Variants in MEF2A observed in about 807,000 individuals in gnomAD.
MEF2A encodes myocyte-specific enhancer factor 2A.
In MEF2A, 28 loss-of-function variants were observed where a neutral mutation model predicts 55.8. The observed-to-expected ratio is 0.50, with a 90% confidence interval of 0.37 to 0.69. The LOEUF is 0.69. Among genes scored for constraint, MEF2A ranks in the 30% least tolerant of loss-of-function variants. The pLI, the probability that MEF2A is intolerant of heterozygous loss-of-function variation, is 0.00. For synonymous variants in MEF2A, 239 were observed against 227.1 expected (o/e 1.05, Z -0.47); for missense variants, 528 against 626.2 (o/e 0.84, Z 1.67).
At chr15:99,695,429 A>T (rs1204836317) in intron 8 of MEF2A, among the ~76,000 whole-genome samples, 6 of 152,374 alleles carry the variant, frequency 3.9e-5, no homozygotes, top group African/African-American at 1.4e-4. Context: ...TAAGTAGCCC[A>T]AGAAATGGGA....
chr15:99,631,642 CAT>C (rs1263491423), intron 2 of MEF2A, among the ~76,000 whole-genome samples: 1 of 151,636 alleles, frequency 6.6e-6, no homozygotes, highest in African/African-American at 2.4e-5. Flanking sequence ...GATTAGGAAT[CAT>C]ATCCTTTTTT....
At chr15:99,584,728 T>C (rs184913592) in intron 1 of MEF2A, among the ~76,000 whole-genome samples, 5 of 152,260 alleles carry the variant, frequency 3.3e-5, no homozygotes, top group Admixed American at 3.3e-4. Context: ...TAATTAGTAC[T>C]GGGGTTCTTT....
intron 1 of MEF2A, among the ~76,000 whole-genome samples, chr15:99,572,032 T>TC (rs1962563983): frequency 8.1e-6 from 1 of 123,902 alleles, no homozygotes. Context: ...TTTTTTTTTT[T>TC]CTTCACACAG....
At chr15:99,569,014 G>A (rs991609097) in intron 1 of MEF2A, among the ~76,000 whole-genome samples, 1 of 152,186 alleles carries the variant, frequency 6.6e-6, no homozygotes, top group Non-Finnish European at 1.5e-5. Flanking sequence ...TAAATAATAA[G>A]TGTAAATATG....
At chr15:99,693,640 A>G (rs1449282727) in intron 8 of MEF2A, among the ~76,000 whole-genome samples, 2 of 152,212 alleles carry the variant, frequency 1.3e-5, no homozygotes, top group African/African-American at 2.4e-5. Context: ...TCACCCCAAA[A>G]TTCTCTACCC....
chr15:99,676,506 GAAGTA>G (rs1231365866), intron 7 of MEF2A, among the ~76,000 whole-genome samples: 1 of 151,450 alleles, frequency 6.6e-6, no homozygotes, highest in Non-Finnish European at 1.5e-5. Context: ...CTGGACTCTA[GAAGTA>G]AAGTAAACCA....
chr15:99,576,887 T>G (rs1964467652), intron 1 of MEF2A, among the ~76,000 whole-genome samples: 2 of 152,264 alleles, frequency 1.3e-5, no homozygotes, highest in Admixed American at 1.3e-4. Flanking sequence ...GACCTCATGA[T>G]CCACCCACCT....
intron 2 of MEF2A, among the ~76,000 whole-genome samples, chr15:99,604,127 T>C (rs1224939879): frequency 6.6e-6 from 1 of 152,216 alleles, no homozygotes; most frequent in African/African-American, 2.4e-5. Context: ...TTTAGTCATT[T>C]GATTATGATG....
Position 99,712,351 on chromosome 15 carries a change from C to T in MEF2A, c.1137-39C>T. 4 of 1,489,854 alleles carry T rather than the reference C, an allele frequency of 2.7e-6. No individual in the cohort carries two copies. The highest frequency in any genetic ancestry group is 1.8e-6 in the Non-Finnish European group (2 of 1,114,404). The allele number at this position is 1,489,854 out of a possible 1,614,324, so 92.3% of individuals were successfully genotyped here. A position where few individuals can be genotyped will look rare whatever the true frequency, so the allele number is the denominator to read the frequency against. On this transcript the variant is annotated intron_variant, in intron 11 of 11. Transcript: ENST00000557942. The surrounding 1 kb of genome is among the most constrained non-coding windows in gnomAD (Gnocchi z 4.1). Reference sequence around the variant, plus strand: ...GTATCATCCCAGTTTTGCAGAGGTACTTGCAAGCCATCTGACCTCTCTCTT... The same window carrying T: ...GTATCATCCCAGTTTTGCAGAGGTATTTGCAAGCCATCTGACCTCTCTCTT...
chr15:99,699,952 A>ATATGTGTGTG (rs767472744), intron 8 of MEF2A, among the ~76,000 whole-genome samples: 1 of 130,582 alleles, frequency 7.7e-6, no homozygotes, highest in African/African-American at 2.9e-5. Context: ...AAGAGTTTAT[A>ATATGTGTGTG]TGTGTGTGTG....
chr15:99,591,643 A>G (rs761781177), intron 1 of MEF2A, among the ~76,000 whole-genome samples: 54 of 151,896 alleles, frequency 3.6e-4, no homozygotes, highest in Non-Finnish European at 6.6e-4. Flanking sequence ...TTCCAATTAC[A>G]TTATGTTTAG....
intron 2 of MEF2A, among the ~76,000 whole-genome samples, chr15:99,629,949 A>AC (rs1275655006): frequency 6.6e-6 from 1 of 151,658 alleles, no homozygotes; most frequent in Non-Finnish European, 1.5e-5. Flanking sequence ...CAAAAAAAAA[A>AC]AATCTCTCTT....
chr15:99,653,330 T>C (rs1402883609), intron 4 of MEF2A, among the ~76,000 whole-genome samples: 1 of 152,236 alleles, frequency 6.6e-6, no homozygotes, highest in Non-Finnish European at 1.5e-5. Context: ...TTTGAAGTTA[T>C]TTTTGTGGCT....
intron 2 of MEF2A, among the ~76,000 whole-genome samples, chr15:99,616,047 A>G (rs942455954): frequency 3.9e-5 from 6 of 152,304 alleles, no homozygotes; most frequent in South Asian, 4.1e-4. Flanking sequence ...GGGGAACACA[A>G]TTAGATTTAG....
chr15:99,618,149 T>A (rs988317542), intron 2 of MEF2A, among the ~76,000 whole-genome samples: 1 of 152,174 alleles, frequency 6.6e-6, no homozygotes, highest in South Asian at 2.1e-4. Context: ...CAATTAATAT[T>A]ACATATTACA....
intron 2 of MEF2A, among the ~76,000 whole-genome samples, chr15:99,605,025 A>G (rs946841278): frequency 6.6e-6 from 1 of 152,128 alleles, no homozygotes; most frequent in African/African-American, 2.4e-5. Flanking sequence ...TGCTCACTGC[A>G]ACCTCCACCT....
intron 2 of MEF2A, among the ~76,000 whole-genome samples, chr15:99,620,595 A>G (rs1167272726): frequency 6.6e-6 from 1 of 152,064 alleles, no homozygotes; most frequent in Non-Finnish European, 1.5e-5. Context: ...CTGTTGTTGG[A>G]TATCTAGGTT....
At chr15:99,597,569 A>G (rs965296217) in intron 1 of MEF2A, among the ~76,000 whole-genome samples, 1 of 151,886 alleles carries the variant, frequency 6.6e-6, no homozygotes, top group African/African-American at 2.4e-5. Flanking sequence ...GTCATATTCT[A>G]TTACCTTGTA....
intron 2 of MEF2A, among the ~76,000 whole-genome samples, chr15:99,601,172 A>G (rs930471384): frequency 1.3e-5 from 2 of 152,192 alleles, no homozygotes; most frequent in Non-Finnish European, 2.9e-5. Context: ...ATTTAAAAGA[A>G]TATCAGTTTC....
Sources: gnomAD v4.1 joint callset for allele counts (sites outside exome capture counted in the v4.1 genomes callset) on GRCh38, gnomAD v4.1.1 for gene constraint, Gnocchi (gnomAD v3.1) non-coding constraint, MANE v1.5 for transcripts, NCBI Gene and HGNC (gene_info 2026-07-23, HGNC 2026-07-21) for gene names.